Variants in DYSF observed in about 807,000 individuals in gnomAD.
DYSF encodes the protein dysferlin, also known as dystrophy-associated fer-1-like 1.
DYSF carries 212 observed loss-of-function variants against 274.9 expected under a neutral mutation model. The observed-to-expected ratio is 0.77, with a 90% confidence interval of 0.69 to 0.86. The LOEUF (loss-of-function observed/expected upper bound fraction) is 0.86. DYSF is among the 40% of genes least tolerant of loss of function. The pLI is 0.00. For synonymous variants in DYSF, 1,091 were observed against 1,078.7 expected, an observed-to-expected ratio of 1.01 and a Z score of -0.22; for missense variants, 2,666 against 2,783.2, an observed-to-expected ratio of 0.96 and a Z score of 0.95.
intron 51 of DYSF, among the ~76,000 whole-genome samples, chr2:71,671,993 A>G (rs987688652): frequency 6.6e-6 from 1 of 152,142 alleles, no homozygotes; most frequent in Non-Finnish European, 1.5e-5. Context: ...AAGAGAGGTC[A>G]GAGAGTGGAA....
At chr2:71,670,177 C>T (rs2095094825) in intron 51 of DYSF, among the ~76,000 whole-genome samples, 1 of 152,192 alleles carries the variant, frequency 6.6e-6, no homozygotes, top group Admixed American at 6.5e-5. Flanking sequence ...CATCCCCAGC[C>T]CTGCCGCCAC....
At chr2:71,629,219 C>T (rs2094269993) in intron 41 of DYSF, among the ~76,000 whole-genome samples, 1 of 152,120 alleles carries the variant, frequency 6.6e-6, no homozygotes, top group Non-Finnish European at 1.5e-5. Flanking sequence ...TTAGCAGTTT[C>T]TAATCTGCTA....
intron 41 of DYSF, among the ~76,000 whole-genome samples, chr2:71,626,213 C>T (rs2094203779): frequency 6.6e-6 from 1 of 151,786 alleles, no homozygotes; most frequent in Admixed American, 6.6e-5. Context: ...TTCTTTTCTG[C>T]TCCTAATTTT....
intron 32 of DYSF, among the ~76,000 whole-genome samples, chr2:71,596,279 G>T (rs1031717700): frequency 2.0e-5 from 3 of 152,102 alleles, no homozygotes; most frequent in South Asian, 2.1e-4. Context: ...GGGCCAGCGT[G>T]GGGGGTGCTG....
chr2:71,517,983 C>G (rs1437387724), intron 10 of DYSF, among the ~76,000 whole-genome samples: 2 of 152,126 alleles, frequency 1.3e-5, no homozygotes, highest in Admixed American at 1.3e-4. Context: ...TTGGGCAGCC[C>G]TCCTCCTCAT....
chr2:71,516,349 T>C, intron 9 of DYSF, 107 bp downstream of exon 9: 1 of 1,001,884 alleles, frequency 1.0e-6, no homozygotes, highest in Non-Finnish European at 1.6e-6. Flanking sequence ...CACGTCAGTG[T>C]GAATGCGTGA....
chr2:71,665,544 C>G (rs2094983927), intron 47 of DYSF, among the ~76,000 whole-genome samples: 1 of 152,164 alleles, frequency 6.6e-6, no homozygotes, highest in African/African-American at 2.4e-5. Context: ...GAGTGCAGTC[C>G]AAGGCCAGGT....
rs543273845 is a variant in DYSF, at chr2:71,521,278, T to G, written c.1149+374T>G. ...ATGCTCATCTCCACATGTCAGTAAG[T>G]AAAGTTATAAGTTGGAGGTGGTAAG... On this transcript the variant is annotated intron_variant, in intron 12 of 55. Transcript: ENST00000410020. Among the ~76,000 whole-genome samples the G allele has an allele frequency of 2.0e-5, 3 of 152,294 alleles. No individual in the cohort carries two copies. In the South Asian group the frequency reaches 6.2e-4, roughly 32 times the overall value.
chr2:71,582,207 C>T (rs2092921218), intron 30 of DYSF, among the ~76,000 whole-genome samples: 1 of 151,342 alleles, frequency 6.6e-6, no homozygotes, highest in South Asian at 2.1e-4. Context: ...ACAACAGCAG[C>T]CGAACAGTTG....
At chr2:71,500,272 T>G (rs756000724) in intron 3 of DYSF, among the ~76,000 whole-genome samples, 53 of 152,082 alleles carry the variant, frequency 3.5e-4, no homozygotes, top group Non-Finnish European at 5.7e-4. Flanking sequence ...GAGCAATGCT[T>G]CCTGGGAGGC....
Position 71,476,823 on chromosome 2 carries a change from C to CTT in DYSF, c.92-4046_92-4045dup, listed in dbSNP as rs1553505730. ...CTTAAGTGACAAACCGAACTAGCTG[C>CTT]TTTTTTTTTTTTTTTCCATGGAATA... is the stretch of plus-strand genomic sequence containing the variant. On this transcript the variant is annotated intron_variant, in intron 1 of 55. Transcript: ENST00000410020. Among the ~76,000 whole-genome samples, 624 of 137,152 alleles carry CTT rather than the reference C, an allele frequency of 4.5e-3. 4 individuals carry two copies. Among genetic ancestry groups the CTT allele is most frequent in the African/African-American group, 0.016 (580 of 36,342 alleles). The allele number at this position is 137,152 out of a possible 152,430, so 90.0% of individuals were successfully genotyped here.
At chr2:71,529,296 C>A (rs975674345) in intron 14 of DYSF, among the ~76,000 whole-genome samples, 3 of 152,226 alleles carry the variant, frequency 2.0e-5, no homozygotes, top group Non-Finnish European at 2.9e-5. Flanking sequence ...CTCGTGCCCC[C>A]ACAGCCACTG....
chr2:71,543,876 GGGGAGA>G (rs1173209952), intron 17 of DYSF, among the ~76,000 whole-genome samples: 33 of 147,826 alleles, frequency 2.2e-4, no homozygotes, highest in Non-Finnish European at 3.0e-4. Context: ...GGGAGACCGT[GGGGAGA>G]GGGAGAGGGA....
intron 30 of DYSF, among the ~76,000 whole-genome samples, chr2:71,584,061 G>A (rs1272815452): frequency 6.6e-6 from 1 of 152,220 alleles, no homozygotes; most frequent in Non-Finnish European, 1.5e-5. Flanking sequence ...GCCACAGACC[G>A]TGTGGCTGCC....
chr2:71,576,316 T>C (rs1574110679), intron 30 of DYSF: 2 of 152,366 alleles, frequency 1.3e-5, no homozygotes, highest in East Asian at 1.9e-4. Context: ...GTATGAGTTG[T>C]TGACAAGAAG....
chr2:71,489,979 C>G (rs2083687935), intron 3 of DYSF, among the ~76,000 whole-genome samples: 1 of 152,090 alleles, frequency 6.6e-6, no homozygotes, highest in Non-Finnish European at 1.5e-5. Context: ...TGTCAAATGC[C>G]TGCTCAGTGC....
chr2:71,482,362 C>A (rs1197519489), intron 3 of DYSF, among the ~76,000 whole-genome samples: 1 of 152,208 alleles, frequency 6.6e-6, no homozygotes, highest in Non-Finnish European at 1.5e-5. Flanking sequence ...GGCAGGCAGG[C>A]AGGCAAAGTG....
intron 41 of DYSF, among the ~76,000 whole-genome samples, chr2:71,636,747 G>C (rs1459831933): frequency 2.6e-5 from 4 of 152,174 alleles, no homozygotes; most frequent in Non-Finnish European, 5.9e-5. Flanking sequence ...GAGAACCCAA[G>C]GGAGTGAGAG....
At chr2:71,567,299 T>C (rs189013820) in intron 24 of DYSF, among the ~76,000 whole-genome samples, 40 of 152,332 alleles carry the variant, frequency 2.6e-4, no homozygotes, top group Admixed American at 7.2e-4. Flanking sequence ...GGATATTAGA[T>C]GATACAGTAA....
Sources: allele counts gnomAD v4.1 joint callset (sites outside exome capture counted in the v4.1 genomes callset), GRCh38; gene constraint gnomAD v4.1.1; transcripts MANE v1.5; gene names NCBI Gene and HGNC (gene_info 2026-07-23, HGNC 2026-07-21).